SYT7: variants seen among roughly 807,000 people sequenced by gnomAD.
The protein encoded by SYT7 is synaptotagmin-7.
Under a neutral mutation model 75.1 loss-of-function variants are expected in SYT7, and 29 were observed. The ratio of observed to expected loss-of-function variants is 0.39; its 90% CI spans 0.29 to 0.53. The LOEUF is 0.53. Among genes scored for constraint, SYT7 ranks in the 20% least tolerant of loss-of-function variants. The probability of loss-of-function intolerance (pLI) is 0.77; values close to 1 mark genes in which losing one functional copy is unlikely to be tolerated. For synonymous variants in SYT7, 376 were observed against 401.7 expected (o/e 0.94, Z 0.76); for missense variants, 693 against 953.2 (o/e 0.73, Z 3.59).
the SYT7 span, among the ~76,000 whole-genome samples, chr11:61,587,994 CTG>C: frequency 1.7e-4 from 26 of 152,238 alleles, no homozygotes; most frequent in Non-Finnish European, 3.5e-4. Flanking sequence ...TCTGCCCTAA[CTG>C]GAGTTGAAGA....
upstream of SYT7, among the ~76,000 whole-genome samples, chr11:61,586,024 C>T (rs1197943032): frequency 6.6e-6 from 1 of 152,160 alleles, no homozygotes; most frequent in Non-Finnish European, 1.5e-5. Context: ...GCACCAAAGA[C>T]CCTGCTGCAA....
intron 1 of SYT7, among the ~76,000 whole-genome samples, chr11:61,571,731 A>G (rs369389335): frequency 1.3e-5 from 2 of 152,292 alleles, no homozygotes; most frequent in East Asian, 3.9e-4. Context: ...AGAGAAAGGC[A>G]TCAACTGGAG....
rs781393591 is a variant in SYT7, at chr11:61,546,620, C to T, written c.348-365G>A. 1 of 478,076 alleles carries T rather than the reference C, an allele frequency of 2.1e-6. No individual in the cohort carries two copies. The highest frequency in any genetic ancestry group is 1.5e-5 in the South Asian group (1 of 64,722). 29.6% of individuals were successfully genotyped at this position (478,076 alleles called of 1,614,324 possible). A position where few individuals can be genotyped will look rare whatever the true frequency, so the allele number is the denominator to read the frequency against. On this transcript the variant is annotated intron_variant, in intron 4 of 12. Coordinates refer to ENST00000539008, the MANE Select transcript of SYT7 (RefSeq NM_001365809.2). This position sits in a 1 kb window ranked among gnomAD's most constrained non-coding sequence, Gnocchi z 7.6. Reference sequence around the variant, plus strand: ...GAGGGCAGCCACCTCCAACTCTATCCCACAGGACAACGAAGGGTTAACGAC... The same window carrying T: ...GAGGGCAGCCACCTCCAACTCTATCTCACAGGACAACGAAGGGTTAACGAC...
chr11:61,547,978 T>A (rs573879980), intron 3 of SYT7, among the ~76,000 whole-genome samples: 6 of 152,234 alleles, frequency 3.9e-5, no homozygotes, highest in Non-Finnish European at 8.8e-5. Flanking sequence ...CTCCTCCCAC[T>A]GGCCTGAGGG....
At chr11:61,538,347 GA>G in intron 6 of SYT7, 81 bp from the exon 7 acceptor site, 23 of 340,790 alleles carry the variant, frequency 6.7e-5, no homozygotes, top group South Asian at 2.9e-4. Context: ...GAGAGAGAGG[GA>G]GAGAGAGAGA....
intron 8 of SYT7, among the ~76,000 whole-genome samples, chr11:61,529,511 C>T (rs1316519507): frequency 1.3e-5 from 2 of 152,186 alleles, no homozygotes; most frequent in East Asian, 3.9e-4. Flanking sequence ...CCCTCTCTGA[C>T]TCAAAATCCT....
Position 61,514,184 on chromosome 11 carries a change from C to A in SYT7, c.*4443G>T, listed in dbSNP as rs969601432. Among the ~76,000 whole-genome samples, 6 of 152,194 alleles carry A rather than the reference C, an allele frequency of 3.9e-5. No individual in the cohort carries two copies. Among genetic ancestry groups the A allele is most frequent in the Non-Finnish European group, 8.8e-5 (6 of 68,040 alleles). On this transcript the variant is annotated 3_prime_UTR_variant, in exon 13 of 13. Coordinates refer to ENST00000539008, the MANE Select transcript of SYT7 (RefSeq NM_001365809.2). ...GCAAGGGACTGCCCCCTGTGCTGGG[C>A]CTGAGCTGTCTCTGACTTCAGGCTC...
intron 8 of SYT7, among the ~76,000 whole-genome samples, chr11:61,530,681 C>T (rs2062678139): frequency 6.6e-6 from 1 of 152,196 alleles, no homozygotes; most frequent in African/African-American, 2.4e-5. Context: ...CTGGCCTCAG[C>T]CCCACCTGAG....
In SYT7 at chr11:61,524,483, C is replaced by G. The variant is rs1272841860; in HGVS notation, c.1521G>C (p.Leu507=). 6.2e-7 allele frequency: 1 copy of G among 1,611,804 alleles called. No homozygotes were observed. The highest frequency in any genetic ancestry group is 8.5e-7 in the Non-Finnish European group (1 of 1,178,734). The change falls in exon 10 of 13, where the codon CTG becomes CTC. Residue 507 remains leucine, a synonymous_variant. Coordinates refer to ENST00000539008, the MANE Select transcript of SYT7 (RefSeq NM_001365809.2). This position sits in a 1 kb window ranked among gnomAD's most constrained non-coding sequence, Gnocchi z 4.1. Reference sequence around the variant, plus strand: ...CGTTGCGGCTGAAGCGGTCATAGTCCAGGACTTGGAGGTAGAGGATCCTCT... The same window carrying G: ...CGTTGCGGCTGAAGCGGTCATAGTCGAGGACTTGGAGGTAGAGGATCCTCT... The part of the protein sequence containing the change: ...VVQRILYLQV[L]DYDRFSRNDP...
intron 1 of SYT7, among the ~76,000 whole-genome samples, chr11:61,573,323 C>A (rs1018015075): frequency 6.6e-6 from 1 of 152,228 alleles, no homozygotes; most frequent in African/African-American, 2.4e-5. Flanking sequence ...ACCTGGGAAG[C>A]CCCCTCAGGG....
intron 9 of SYT7, among the ~76,000 whole-genome samples, chr11:61,527,550 T>C (rs1406652919): frequency 6.6e-6 from 1 of 152,062 alleles, no homozygotes; most frequent in Non-Finnish European, 1.5e-5. Context: ...CTCCTCAGGA[T>C]GAGCTCTGTG....
chr11:61,555,234 T>C (rs1015740703), intron 2 of SYT7, among the ~76,000 whole-genome samples: 3 of 152,316 alleles, frequency 2.0e-5, no homozygotes, highest in Admixed American at 2.0e-4. Flanking sequence ...GGGGGATGCT[T>C]GCTAGTGACC....
chr11:61,573,576 C>T (rs1404524417), intron 1 of SYT7, among the ~76,000 whole-genome samples: 2 of 152,244 alleles, frequency 1.3e-5, no homozygotes, highest in Non-Finnish European at 2.9e-5. Context: ...ATCCATGGCA[C>T]TCCATGCCTT....
chr11:61,567,820 C>T (rs1446796233), intron 1 of SYT7, among the ~76,000 whole-genome samples: 1 of 152,246 alleles, frequency 6.6e-6, no homozygotes, highest in East Asian at 1.9e-4. Flanking sequence ...CCCCTCACCG[C>T]TCCCGGGGCA....
intron 9 of SYT7, chr11:61,526,016 A>G (rs1171941085): frequency 6.6e-6 from 1 of 152,358 alleles, no homozygotes; most frequent in African/African-American, 2.4e-5. Context: ...GCCTGAGGTG[A>G]GGAGATTCTG....
chr11:61,582,075 A>C (rs1400995297), upstream of SYT7, among the ~76,000 whole-genome samples: 1 of 148,748 alleles, frequency 6.7e-6, no homozygotes, highest in African/African-American at 2.6e-5. Flanking sequence ...TACACACGTA[A>C]TCACCTACAT....
chr11:61,519,906 C>T (rs996028285), intron 12 of SYT7, among the ~76,000 whole-genome samples: 3 of 152,180 alleles, frequency 2.0e-5, no homozygotes, highest in Non-Finnish European at 4.4e-5. Context: ...CTGCAACCTC[C>T]GCCTCCCAGG....
chr11:61,534,421 GCGCATACACA>G (rs1565176237), intron 7 of SYT7, among the ~76,000 whole-genome samples: 45 of 134,094 alleles, frequency 3.4e-4, no homozygotes, highest in Admixed American at 9.7e-4. Context: ...ACGCACACAT[GCGCATACACA>G]CACGCACACG....
intron 1 of SYT7, among the ~76,000 whole-genome samples, chr11:61,562,536 T>C (rs2063665093): frequency 6.6e-6 from 1 of 152,204 alleles, no homozygotes; most frequent in African/African-American, 2.4e-5. Context: ...CCTGGATTAG[T>C]GATATCTGGG....
Sources: allele counts gnomAD v4.1 joint callset (sites outside exome capture counted in the v4.1 genomes callset), GRCh38; gene constraint gnomAD v4.1.1; non-coding constraint Gnocchi (gnomAD v3.1); transcripts MANE v1.5; gene names NCBI Gene and HGNC (gene_info 2026-07-23, HGNC 2026-07-21).